Variants in PEX5 observed in about 807,000 individuals in gnomAD.
PEX5 encodes the protein peroxisomal biogenesis factor 5, also known as PTS1 receptor.
PEX5 carries 52 observed loss-of-function variants against 82.9 expected under a neutral mutation model. That is an observed-to-expected ratio of 0.63 (90% confidence interval 0.50 to 0.79). PEX5 has a LOEUF of 0.79. PEX5 is among the 30% of genes least tolerant of loss of function. The pLI is 0.00. For synonymous variants in PEX5, 300 were observed against 318.8 expected (o/e 0.94, Z 0.63); for missense variants, 719 against 815.2 (o/e 0.88, Z 1.44).
At chr12:7,188,903 T>C (rs1162581797), upstream of PEX5, 1 of 152,266 alleles carries the variant, frequency 6.6e-6, no homozygotes. Flanking sequence ...CTTAGTCTTA[T>C]TCCGTGATTA....
intron 5 of PEX5, among the ~76,000 whole-genome samples, chr12:7,195,267 C>T (rs1941878500): frequency 6.6e-6 from 1 of 152,188 alleles, no homozygotes; most frequent in Admixed American, 6.5e-5. Flanking sequence ...TATTCTCACT[C>T]TACTAATCTG....
At position 7,210,557 on chromosome 12, in the gene PEX5, A is replaced by ATAGGGTCTACCACATCTG; in HGVS notation, c.*337_*354dup. 1 of 434,654 alleles carries ATAGGGTCTACCACATCTG rather than the reference A, an allele frequency of 2.3e-6. No homozygotes were observed. The highest frequency in any genetic ancestry group is 4.3e-6 in the Non-Finnish European group (1 of 231,622). 26.9% of individuals were successfully genotyped at this position (434,654 alleles called of 1,614,324 possible). A position where few individuals can be genotyped will look rare whatever the true frequency, so the allele number is the denominator to read the frequency against. ...CTGTTATCATCAGCTGCCATTTCTG[A>ATAGGGTCTACCACATCTG]TAGGGTCTACCACATCTGTAATGTC... On this transcript the variant is annotated 3_prime_UTR_variant, in exon 16 of 16. Coordinates refer to ENST00000675855, the MANE Select transcript of PEX5 (RefSeq NM_001351132.2).
chr12:7,190,029 G>A (rs1187456051), intron 1 of PEX5: 5 of 1,503,532 alleles, frequency 3.3e-6, no homozygotes, highest in Non-Finnish European at 4.4e-6. Flanking sequence ...CAGTGTCGCC[G>A]TCCAGCCTGG....
downstream of PEX5, among the ~76,000 whole-genome samples, chr12:7,215,109 C>T (rs1033962183): frequency 2.6e-5 from 4 of 152,116 alleles, no homozygotes; most frequent in Non-Finnish European, 5.9e-5. Flanking sequence ...CATGAACAGA[C>T]ACTTTTCAAA....
chr12:7,189,776 C>T (rs947682194), intron 1 of PEX5, 26 bp downstream of exon 1: 4 of 144,786 alleles, frequency 2.8e-5, no homozygotes, highest in African/African-American at 5.6e-5. Context: ...CGAGGGGGCC[C>T]GGGGCCGCGT....
intron 7 of PEX5, 183 bp from the exon 8 acceptor site, chr12:7,202,058 A>C: frequency 1.1e-6 from 1 of 938,912 alleles, no homozygotes; most frequent in Admixed American, 2.1e-5. Context: ...ATGCCTTTGC[A>C]AGTCTTTAGA....
chr12:7,195,279 A>G (rs1941882674), intron 5 of PEX5, among the ~76,000 whole-genome samples: 1 of 152,204 alleles, frequency 6.6e-6, no homozygotes, highest in South Asian at 2.1e-4. Flanking sequence ...ACTAATCTGT[A>G]TGACCTCAGG....
chr12:7,200,415 C>T (rs1270454816), intron 6 of PEX5, among the ~76,000 whole-genome samples: 6 of 148,868 alleles, frequency 4.0e-5, no homozygotes, highest in Non-Finnish European at 8.9e-5. Flanking sequence ...ACTGGGCAGC[C>T]AGGCAGAGGG....
intron 6 of PEX5, among the ~76,000 whole-genome samples, chr12:7,201,263 A>G (rs930079735): frequency 1.8e-5 from 2 of 112,736 alleles, no homozygotes; most frequent in Admixed American, 2.3e-4. Flanking sequence ...ACATGCGTAC[A>G]CATGTATACA....
intron 3 of PEX5, 103 bp from the exon 4 acceptor site, chr12:7,191,123 T>G: frequency 7.2e-7 from 1 of 1,384,600 alleles, no homozygotes; most frequent in East Asian, 2.3e-5. Context: ...TTCTGTGTTT[T>G]CCTTTCCTTG....
chr12:7,190,457 A>G lies in PEX5; in HGVS notation c.80A>G (p.Asp27Gly), dbSNP rs2135877981. ...AAGCTCGCCGGGCACTTCACCCAGG[A>G]CAAGGCCCTTCGGCAGGAGGGATTG... The part of the protein sequence containing the change: ...LMKLAGHFTQ[D>G]KALRQEGLRP... Residue 27 changes from aspartate (D) to glycine (G), a missense_variant, in exon 2 of 16, where the codon GAC becomes GGC. Transcript: ENST00000675855. 1 of 1,614,112 alleles carries G rather than the reference A, an allele frequency of 6.2e-7. No homozygotes were observed.
At chr12:7,195,084 T>C (rs1477173120) in intron 5 of PEX5, among the ~76,000 whole-genome samples, 1 of 152,228 alleles carries the variant, frequency 6.6e-6, no homozygotes, top group African/African-American at 2.4e-5. Context: ...CTACAACTTG[T>C]ATTCTTCTCC....
At position 7,202,607 on chromosome 12, in the gene PEX5, C is replaced by T. The variant is rs377379933; in HGVS notation, c.754-5C>T. Reference sequence around the variant, plus strand: ...AGTGGTACTGACCATCCTTTTTTGTCGCAGGGTACATCAGATGCCTGGGTT... The same window carrying T: ...AGTGGTACTGACCATCCTTTTTTGTTGCAGGGTACATCAGATGCCTGGGTT... On this transcript the variant is annotated splice_region_variant and splice_polypyrimidine_tract_variant and intron_variant, in intron 8 of 15. Coordinates refer to ENST00000675855, the MANE Select transcript of PEX5 (RefSeq NM_001351132.2). 8.1e-5 allele frequency: 130 copies of T among 1,612,878 alleles called. No individual in the cohort carries two copies. The highest frequency in any genetic ancestry group is 7.6e-4 in the South Asian group (69 of 91,038).
rs1945105117 is a variant in PEX5 at position 7,208,521 on chromosome 12, G to A, written c.1246G>A (p.Glu416Lys). The change falls in exon 13 of 16, where the codon GAG (glutamate) becomes AAG (lysine). Residue 416 changes from glutamate (E) to lysine (K), a missense_variant. By Grantham distance (56) the Glu-to-Lys change is moderately conservative (BLOSUM62 1). Transcript: ENST00000675855. ...GGCGCTGGCTGTGAGCTTCACCAAC[G>A]AGTCCCTGCAGCGACAGGCCTGTGA... ...LMALAVSFTN[E>K]SLQRQACETL... is the part of the protein sequence containing the mutation. 2.5e-6 allele frequency: 4 copies of A among 1,614,122 alleles called. No individual in the cohort carries two copies. The highest frequency in any genetic ancestry group is 3.4e-6 in the Non-Finnish European group (4 of 1,179,992).
In PEX5 at chr12:7,208,049, C is replaced by G; in HGVS notation, c.1150C>G (p.Gln384Glu). The change falls in exon 12 of 16, where the codon CAA becomes GAA. Residue 384 changes from glutamine (Q) to glutamate (E), a missense_variant. By Grantham distance (29) the Gln-to-Glu change is conservative (BLOSUM62 2). Coordinates refer to ENST00000675855, the MANE Select transcript of PEX5 (RefSeq NM_001351132.2). ...YLGTTQAENE[Q>E]ELLAISALRR... Reference sequence around the variant, plus strand: ...GGGTACCACCCAGGCAGAGAATGAACAAGAACTATTAGCCATCAGTGCATT... The same window carrying G: ...GGGTACCACCCAGGCAGAGAATGAAGAAGAACTATTAGCCATCAGTGCATT... 6.2e-7 allele frequency: 1 copy of G among 1,613,980 alleles called. No homozygotes were observed. The highest frequency in any genetic ancestry group is 8.5e-7 in the Non-Finnish European group (1 of 1,179,842).
At chr12:7,214,374 G>A (rs1012300672), downstream of PEX5, among the ~76,000 whole-genome samples, 2 of 151,902 alleles carry the variant, frequency 1.3e-5, no homozygotes, top group Non-Finnish European at 2.9e-5. Context: ...ATACACCATG[G>A]AATACTATGC....
chr12:7,215,579 C>T (rs145332361), downstream of PEX5, among the ~76,000 whole-genome samples: 2 of 152,188 alleles, frequency 1.3e-5, no homozygotes, highest in Admixed American at 1.3e-4. Context: ...AACAAAATCA[C>T]GACCTTCGCA....
chr12:7,209,873 G>A (rs778990021), intron 15 of PEX5, 33 bp downstream of exon 15: 12 of 1,613,246 alleles, frequency 7.4e-6, no homozygotes, highest in Non-Finnish European at 1.0e-5. Flanking sequence ...GAATGAATGA[G>A]CTTTTTCTCC....
At chr12:7,198,951 T>C in intron 5 of PEX5, 60 bp from the exon 6 acceptor site, 2 of 950,108 alleles carry the variant, frequency 2.1e-6, no homozygotes, top group Non-Finnish European at 3.3e-6. Flanking sequence ...TCTCTTTCCC[T>C]TTCCTTGATC....
Sources: allele counts gnomAD v4.1 joint callset (sites outside exome capture counted in the v4.1 genomes callset), GRCh38; gene constraint gnomAD v4.1.1; transcripts MANE v1.5; gene names NCBI Gene and HGNC (gene_info 2026-07-23, HGNC 2026-07-21).